CERT1: variants seen among roughly 807,000 people sequenced by gnomAD.
CERT1 encodes ceramide transporter 1.
CERT1 carries 31 observed loss-of-function variants against 87.9 expected under a neutral mutation model. That is an observed-to-expected ratio of 0.35 (90% CI 0.27 to 0.48). The LOEUF is 0.48. CERT1 is among the 20% of genes least tolerant of loss of function. The pLI, the probability that CERT1 is intolerant of heterozygous loss-of-function variation, is 0.99. For missense variants in CERT1, 487 were observed against 758.0 expected, an observed-to-expected ratio of 0.64 and a Z score of 4.20; for synonymous variants, 289 against 250.9, an observed-to-expected ratio of 1.15 and a Z score of -1.44.
chr5:75,381,852 C>A (rs1761599283), intron 15 of CERT1, 97 bp downstream of exon 15: 3 of 1,095,012 alleles, frequency 2.7e-6, no homozygotes, highest in African/African-American at 3.2e-5. Context: ...ATTATCAAAT[C>A]AAGTATAGTG....
At chr5:75,447,990 T>A (rs1764626455) in intron 3 of CERT1, among the ~76,000 whole-genome samples, 1 of 152,160 alleles carries the variant, frequency 6.6e-6, no homozygotes, top group Non-Finnish European at 1.5e-5. Context: ...AAACCATGGT[T>A]GAGGAGTCAA....
At chr5:75,381,686 GCC>G (rs1761592217) in intron 15 of CERT1, among the ~76,000 whole-genome samples, 1 of 152,076 alleles carries the variant, frequency 6.6e-6, no homozygotes, top group African/African-American at 2.4e-5. Flanking sequence ...GTAGCCTACT[GCC>G]CAGTGTATGT....
intron 2 of CERT1, among the ~76,000 whole-genome samples, chr5:75,481,546 G>A (rs1431495440): frequency 1.3e-5 from 2 of 152,178 alleles, no homozygotes; most frequent in Non-Finnish European, 2.9e-5. Flanking sequence ...AACAGCCTAA[G>A]AGGAACAGAC....
chr5:75,371,893 C>G (rs898701229), intron 17 of CERT1: 2 of 152,104 alleles, frequency 1.3e-5, no homozygotes, highest in Admixed American at 1.3e-4. Context: ...GTCCAGAAGG[C>G]CAGTACCTCT....
At chr5:75,381,868 G>C (rs1307881152) in intron 15 of CERT1, 81 bp downstream of exon 15, 1 of 1,249,846 alleles carries the variant, frequency 8.0e-7, no homozygotes, top group East Asian at 2.5e-5. Flanking sequence ...TAGTGTATGG[G>C]CTGTGTTTAT....
intron 1 of CERT1, among the ~76,000 whole-genome samples, chr5:75,507,032 A>C (rs989488183): frequency 6.6e-6 from 1 of 152,216 alleles, no homozygotes; most frequent in Non-Finnish European, 1.5e-5. Flanking sequence ...GCCAAAATAT[A>C]CTGCATTGGC....
intron 2 of CERT1, among the ~76,000 whole-genome samples, chr5:75,488,744 T>A (rs756444465): frequency 2.0e-5 from 3 of 152,308 alleles, no homozygotes; most frequent in Non-Finnish European, 2.9e-5. Flanking sequence ...TTGTTCCTTT[T>A]CCTTGAAGAA....
chr5:75,471,772 A>AG (rs1765723699), intron 2 of CERT1, among the ~76,000 whole-genome samples: 1 of 151,452 alleles, frequency 6.6e-6, no homozygotes, highest in African/African-American at 2.4e-5. Flanking sequence ...AAAAAAAAAA[A>AG]AAAGAAAAGG....
intron 6 of CERT1, among the ~76,000 whole-genome samples, chr5:75,418,051 G>A (rs753811553): frequency 3.9e-5 from 6 of 152,184 alleles, no homozygotes; most frequent in Non-Finnish European, 8.8e-5. Flanking sequence ...AGCTACTCAG[G>A]AGGCTGAAGC....
intron 2 of CERT1, among the ~76,000 whole-genome samples, chr5:75,480,326 A>G (rs904895245): frequency 6.6e-6 from 1 of 152,216 alleles, no homozygotes; most frequent in African/African-American, 2.4e-5. Context: ...GGTCAACTCT[A>G]TTCTTCCTTC....
intron 3 of CERT1, among the ~76,000 whole-genome samples, chr5:75,427,151 C>G (rs747656730): frequency 5.1e-4 from 77 of 152,164 alleles, no homozygotes; most frequent in Non-Finnish European, 8.7e-4. Context: ...GGGGATGATA[C>G]TCTTCAGAGC....
At chr5:75,510,937 G>A (rs959888112) in intron 1 of CERT1, among the ~76,000 whole-genome samples, 175 bp downstream of exon 1, 2 of 151,976 alleles carry the variant, frequency 1.3e-5, no homozygotes, top group Non-Finnish European at 2.9e-5. Flanking sequence ...CGAGCCCCCG[G>A]GCAACAAGGA....
At chr5:75,494,171 G>A (rs1340132528) in intron 2 of CERT1, among the ~76,000 whole-genome samples, 1 of 151,912 alleles carries the variant, frequency 6.6e-6, no homozygotes, top group Non-Finnish European at 1.5e-5. Flanking sequence ...TTAACAGTAG[G>A]GAATCTTCTG....
intron 12 of CERT1, among the ~76,000 whole-genome samples, chr5:75,389,257 A>C (rs1445861643): frequency 6.6e-6 from 1 of 152,232 alleles, no homozygotes; most frequent in African/African-American, 2.4e-5. Context: ...TATGTTAAAA[A>C]AACAAAACAA....
At chr5:75,432,219 TTTTG>T (rs1242994535) in intron 3 of CERT1, among the ~76,000 whole-genome samples, 2 of 151,862 alleles carry the variant, frequency 1.3e-5, no homozygotes, top group Admixed American at 1.3e-4. Context: ...ACCCGGCTAA[TTTTG>T]TTTTTGTATT....
chr5:75,494,528 T>C (rs940634471), intron 2 of CERT1, among the ~76,000 whole-genome samples: 2 of 152,192 alleles, frequency 1.3e-5, no homozygotes, highest in Non-Finnish European at 2.9e-5. Flanking sequence ...CCACGATTTT[T>C]TTCTCTATAG....
At chr5:75,450,915 GCT>G in intron 3 of CERT1, among the ~76,000 whole-genome samples, 1 of 152,234 alleles carries the variant, frequency 6.6e-6, no homozygotes, top group East Asian at 1.9e-4. Flanking sequence ...TTGGGCACAT[GCT>G]CTCAGGACCT....
intron 17 of CERT1, chr5:75,372,087 A>G (rs1176974578): frequency 6.6e-6 from 1 of 152,230 alleles, no homozygotes; most frequent in Non-Finnish European, 1.5e-5. Context: ...GCAAAAGTAT[A>G]TCATCACATT....
intron 3 of CERT1, among the ~76,000 whole-genome samples, chr5:75,440,643 C>T (rs1033985163): frequency 6.6e-6 from 1 of 152,010 alleles, no homozygotes; most frequent in African/African-American, 2.4e-5. Context: ...GAAAAATTAA[C>T]CAGGGCCTAT....
Sources: allele counts gnomAD v4.1 joint callset (sites outside exome capture counted in the v4.1 genomes callset), GRCh38; gene constraint gnomAD v4.1.1; transcripts MANE v1.5; gene names NCBI Gene and HGNC (gene_info 2026-07-23, HGNC 2026-07-21).